S100G: variants seen among roughly 807,000 people sequenced by gnomAD.
S100G encodes the protein protein S100-G.
A neutral mutation model predicts 4.4 loss-of-function variants in S100G; 4 were observed. The observed-to-expected ratio is 0.91, with a 90% CI of 0.45 to 2.09. The LOEUF is 2.09. Among genes scored for constraint, S100G ranks in the 30% most tolerant of loss-of-function variants. The pLI is 0.03. For missense variants in S100G, 48 were observed against 49.8 expected, an observed-to-expected ratio of 0.96 and a Z score of 0.11; for synonymous variants, 24 against 20.1, an observed-to-expected ratio of 1.20 and a Z score of -0.53.
chrX:16,653,726 A>G (rs1932755633), intron 2 of S100G, among the ~76,000 whole-genome samples: 1 of 112,427 alleles, frequency 8.9e-6, no homozygotes. Flanking sequence ...ATGCTAAAGC[A>G]TGGGAACCAT....
At chrX:16,650,511 CTTT>C (rs1167079038) in intron 1 of S100G, among the ~76,000 whole-genome samples, 2 of 77,205 alleles carry the variant, frequency 2.6e-5, no homozygotes. Flanking sequence ...TCTAAGATGT[CTTT>C]TTTTTTTTTT....
chrX:16,650,702 C>T (rs1377800683), intron 1 of S100G, among the ~76,000 whole-genome samples: 4 of 109,009 alleles, frequency 3.7e-5, no homozygotes, highest in Non-Finnish European at 7.6e-5. Context: ...GACAGGGTCT[C>T]ACCATGTTGG....
chrX:16,651,382 A>G (rs1932623443), intron 2 of S100G, among the ~76,000 whole-genome samples: 1 of 111,723 alleles, frequency 9.0e-6, no homozygotes, highest in Non-Finnish European at 1.9e-5. Flanking sequence ...GCCATAATAA[A>G]TGGAAGCAAT....
At chrX:16,653,799 G>A (rs1461673776) in intron 2 of S100G, among the ~76,000 whole-genome samples, 1 of 111,974 alleles carries the variant, frequency 8.9e-6, no homozygotes, top group East Asian at 2.8e-4. Context: ...TTAGTTAAGG[G>A]GTTGAGCTCT....
intron 2 of S100G, among the ~76,000 whole-genome samples, chrX:16,651,432 A>G (rs1283005276): frequency 2.7e-5 from 3 of 111,789 alleles, no homozygotes; most frequent in African/African-American, 9.8e-5. Context: ...CACCAAGCAA[A>G]CCCAATAAGG....
chrX:16,651,187 A>T, intron 2 of S100G, 46 bp downstream of exon 2: 8 of 280,317 alleles, frequency 2.9e-5, no homozygotes, highest in Non-Finnish European at 4.3e-5. Flanking sequence ...TGATGGTGGG[A>T]GGGGAGGGAG....
chrX:16,653,383 T>C (rs1932743766), intron 2 of S100G, among the ~76,000 whole-genome samples: 4 of 112,251 alleles, frequency 3.6e-5, no homozygotes, highest in Admixed American at 1.9e-4. Context: ...TGGCACCACC[T>C]GGGAAGCTGT....
rs957205504 is a variant in S100G at position 16,650,988 on chromosome X, C to G, written c.-8-11C>G. On this transcript the variant is annotated splice_polypyrimidine_tract_variant and intron_variant, in intron 1 of 2. Transcript: ENST00000380200. ...CTTTTTGGTAAGTTTATTTTCTTCCCAATTTATAAGACACCAGAATGAGTA... is the reference window on the plus strand; with the variant it reads ...CTTTTTGGTAAGTTTATTTTCTTCCGAATTTATAAGACACCAGAATGAGTA... The G allele has an allele frequency of 2.5e-6, 3 of 1,192,927 alleles. No homozygotes were observed. In the African/African-American group the frequency reaches 5.3e-5, roughly 21 times the overall value.
chrX:16,652,222 A>G (rs1195087455), intron 2 of S100G, among the ~76,000 whole-genome samples: 9 of 111,960 alleles, frequency 8.0e-5, no homozygotes, highest in Non-Finnish European at 1.1e-4. Flanking sequence ...TCATTTTGCA[A>G]TTAAAAACCA....
intron 2 of S100G, among the ~76,000 whole-genome samples, chrX:16,652,818 C>A (rs902558751): frequency 6.3e-5 from 7 of 111,746 alleles, no homozygotes; most frequent in Admixed American, 1.9e-4. Context: ...TTCCACCATA[C>A]TCTGTTTACA....
chrX:16,650,998 G>A lies in S100G; in HGVS notation c.-8-1G>A. 8.3e-7 allele frequency: 1 copy of A among 1,199,718 alleles called. No individual in the cohort carries two copies. The highest frequency in any genetic ancestry group is 1.1e-6 in the Non-Finnish European group (1 of 886,913). ...AGTTTATTTTCTTCCCAATTTATAA[G>A]ACACCAGAATGAGTACTAAAAAGTC... On this transcript the variant is annotated splice_acceptor_variant, in intron 1 of 2. Coordinates refer to ENST00000380200, the MANE Select transcript of S100G (RefSeq NM_004057.3). LOFTEE classifies it low-confidence loss of function (5UTR_SPLICE).
intron 2 of S100G, among the ~76,000 whole-genome samples, chrX:16,651,814 C>T (rs754288830): frequency 8.9e-6 from 1 of 111,815 alleles, no homozygotes; most frequent in South Asian, 3.8e-4. Flanking sequence ...AGCTGATCGT[C>T]CTCACTCCAA....
chrX:16,652,024 G>C (rs11795761), intron 2 of S100G, among the ~76,000 whole-genome samples: 3,173 of 109,505 alleles, frequency 0.029, 66 homozygotes, highest in East Asian at 0.13. Context: ...AGGATGGGGG[G>C]GGCCAGTGGA....
rs191168735 is a variant in S100G, at chrX:16,650,399, T to C, written c.-9+196T>C. Among the ~76,000 whole-genome samples, 984 of 111,106 alleles carry C rather than the reference T, an allele frequency of 8.9e-3. 10 individuals carry two copies. Among genetic ancestry groups the C allele is most frequent in the Non-Finnish European group, 0.013 (682 of 53,088 alleles). On this transcript the variant is annotated intron_variant, in intron 1 of 2. Coordinates refer to ENST00000380200, the MANE Select transcript of S100G (RefSeq NM_004057.3). ...CACAGCCTGCAGAGTGCAGATCAGG[T>C]ACATAAAAAGTGTAGAATGTCATTA...
chrX:16,653,107 T>C lies in S100G; in HGVS notation c.136-1298T>C, dbSNP rs149163261. Among the ~76,000 whole-genome samples the C allele has an allele frequency of 4.8e-3, 527 of 110,718 alleles. 3 individuals carry two copies. Among genetic ancestry groups the C allele is most frequent in the African/African-American group, 0.017 (511 of 30,625 alleles). ...TGTGTTTTTTACCACAATTTATATA[T>C]ACATATATATATATAATATAGTCTA... On this transcript the variant is annotated intron_variant, in intron 2 of 2. Coordinates refer to ENST00000380200, the MANE Select transcript of S100G (RefSeq NM_004057.3).
intron 2 of S100G, 25 bp downstream of exon 2, chrX:16,651,166 C>G: frequency 2.2e-6 from 1 of 462,669 alleles, no homozygotes; most frequent in African/African-American, 2.6e-5. Context: ...GCAGAGCCCA[C>G]TTAATGGGAC....
chrX:16,652,873 G>T (rs1485387045), intron 2 of S100G, among the ~76,000 whole-genome samples: 1 of 111,438 alleles, frequency 9.0e-6, no homozygotes, highest in Non-Finnish European at 1.9e-5. Context: ...AAGGCTTCAG[G>T]AAAACAGTGT....
intron 1 of S100G, among the ~76,000 whole-genome samples, 189 bp from the exon 2 acceptor site, chrX:16,650,810 C>G (rs1417479428): frequency 9.1e-6 from 1 of 110,453 alleles, no homozygotes; most frequent in African/African-American, 3.3e-5. Context: ...CGTGCCTGGC[C>G]TAAGATGCTT....
chrX:16,653,082 T>C (rs1932722516), intron 2 of S100G, among the ~76,000 whole-genome samples: 5 of 111,112 alleles, frequency 4.5e-5, no homozygotes, highest in Admixed American at 2.9e-4. Flanking sequence ...TTCAATGTTA[T>C]GTGTTTTTTA....
Sources: allele counts gnomAD v4.1 joint callset (sites outside exome capture counted in the v4.1 genomes callset), GRCh38; gene constraint gnomAD v4.1.1; transcripts MANE v1.5; gene names NCBI Gene and HGNC (gene_info 2026-07-23, HGNC 2026-07-21).